The following MISP variants were observed in gnomAD, a reference collection of about 807,000 sequenced individuals.
The protein encoded by MISP is mitotic interactor and substrate of PLK1.
MISP carries 51 observed loss-of-function variants against 49.3 expected under a neutral mutation model. The observed-to-expected ratio is 1.03, with a 90% confidence interval of 0.83 to 1.31. The LOEUF (loss-of-function observed/expected upper bound fraction) is 1.31. MISP is among the 50% of genes most tolerant of loss of function. The pLI, the probability that MISP is intolerant of heterozygous loss-of-function variation, is 0.00. For synonymous variants in MISP, 444 were observed against 392.6 expected (o/e 1.13, Z -1.55); for missense variants, 1,084 against 935.1 (o/e 1.16, Z -2.08).
rs369591220 is a variant in MISP, at chr19:757,515, A to G, written c.569A>G (p.Gln190Arg). 175 of 1,608,480 alleles carry G rather than the reference A, an allele frequency of 1.1e-4. No individual in the cohort carries two copies. Among genetic ancestry groups the G allele is most frequent in the Non-Finnish European group, 2.2e-5 (26 of 1,178,074 alleles). The change falls in exon 2 of 5, where the codon CAG becomes CGG. Residue 190 changes from glutamine (Q) to arginine (R), a missense_variant. Gln to Arg is a conservative substitution (Grantham distance 43). Transcript: ENST00000215582. ...PLEENVVDRE[Q>R]IDFLAARQQF... ...GAGGAGAACGTGGTTGACAGGGAGC[A>G]GATTGACTTCCTGGCAGCGAGACAG...
At chr19:751,973 A>G (rs1226361070) in intron 1 of MISP, among the ~76,000 whole-genome samples, 1 of 152,142 alleles carries the variant, frequency 6.6e-6, no homozygotes, top group Non-Finnish European at 1.5e-5. Flanking sequence ...CCATAAACCC[A>G]GTTTCATTCT....
Position 759,636 on chromosome 19 carries a change from G to A in MISP, c.1781-273G>A, listed in dbSNP as rs1016655380. ...AGGACGGTCTCGATCTCCTGACCTC[G>A]TGATCCACCCACCTCGGCCTCCCAA... is the stretch of plus-strand genomic sequence containing the variant. On this transcript the variant is annotated intron_variant, in intron 2 of 4. Transcript: ENST00000215582. Among the ~76,000 whole-genome samples the A allele has an allele frequency of 2.1e-4, 32 of 151,036 alleles. No homozygotes were observed. The East Asian group carries it at 2.8e-3, about 13-fold the overall frequency.
intron 4 of MISP, 23 bp from the exon 5 acceptor site, chr19:763,478 G>C: frequency 6.3e-7 from 1 of 1,582,262 alleles, no homozygotes; most frequent in Non-Finnish European, 8.7e-7. Context: ...TGGATCGGGG[G>C]AATTCATGCC....
chr19:760,685 A>AAGAG (rs67394691), intron 3 of MISP, among the ~76,000 whole-genome samples: 6 of 149,616 alleles, frequency 4.0e-5, no homozygotes, highest in Non-Finnish European at 7.4e-5. Flanking sequence ...ACTTCTAAGA[A>AAGAG]AGAGAGAGAG....
chr19:752,737 A>G (rs950124488), intron 1 of MISP, among the ~76,000 whole-genome samples: 7 of 142,986 alleles, frequency 4.9e-5, no homozygotes. Context: ...CTGGGCGGAC[A>G]GCTCCCTTTC....
intron 4 of MISP, among the ~76,000 whole-genome samples, chr19:762,016 C>T (rs949702835): frequency 1.3e-5 from 2 of 151,826 alleles, no homozygotes; most frequent in African/African-American, 4.8e-5. Flanking sequence ...GGTGCGATCT[C>T]GGCTCACTGC....
chr19:758,508 A>T lies in MISP; in HGVS notation c.1562A>T (p.Gln521Leu). 2.5e-6 allele frequency: 4 copies of T among 1,614,078 alleles called. No individual in the cohort carries two copies. The highest frequency in any genetic ancestry group is 1.7e-4 in the Middle Eastern group (1 of 6,056). Residue 521 changes from glutamine (Q) to leucine (L), a missense_variant, in exon 2 of 5, where the codon CAA becomes CTA. Physicochemically the swap from Gln to Leu is moderately radical, Grantham distance 113 (BLOSUM62 -2). Transcript: ENST00000215582. ...GCCCCAGACGAGCCCCAGCAGGCCC[A>T]AGTCCCCCATGTCTGGGGCTGGGAG... ...FRAPDEPQQA[Q>L]VPHVWGWEVA...
In MISP at chr19:759,931, G is replaced by A. The variant is rs1255515330; in HGVS notation, c.1803G>A (p.Val601=). ...CAGGCATCACGGGCAGTTACTCGGT[G>A]TCTGAGTCTCCCTTCTTCAGCCCCA... is the stretch of plus-strand genomic sequence containing the variant. ...QASGITGSYS[V]SESPFFSPIH... is the part of the protein sequence containing the mutation. The change falls in exon 3 of 5, where the codon GTG becomes GTA. Residue 601 remains valine, a synonymous_variant. Transcript: ENST00000215582. 1.2e-6 allele frequency: 2 copies of A among 1,613,958 alleles called. No individual in the cohort carries two copies. Among genetic ancestry groups the A allele is most frequent in the East Asian group, 2.2e-5 (1 of 44,896 alleles).
Position 757,091 on chromosome 19 carries a change from C to T in MISP, c.145C>T (p.Gln49Ter). 1 of 1,613,030 alleles carries T rather than the reference C, an allele frequency of 6.2e-7. No individual in the cohort carries two copies. Among genetic ancestry groups the T allele is most frequent in the Non-Finnish European group, 8.5e-7 (1 of 1,179,796 alleles). ...CAGCGGCTGGGGCCAGGATGAGCCGCAGACATGGCCCACTGACCACAGGGC... is the reference window on the plus strand; with the variant it reads ...CAGCGGCTGGGGCCAGGATGAGCCGTAGACATGGCCCACTGACCACAGGGC... ...EASGWGQDEP[Q>*]TWPTDHRAQQ... The change falls in exon 2 of 5, where the codon CAG becomes TAG. Residue 49 changes from glutamine to a stop codon, truncating the protein, a stop_gained. Coordinates refer to ENST00000215582, the MANE Select transcript of MISP (RefSeq NM_173481.4). LOFTEE classifies it high-confidence loss of function.
chr19:758,455 C>A lies in MISP; in HGVS notation c.1509C>A (p.Tyr503Ter). The change falls in exon 2 of 5, where the codon TAC (tyrosine) becomes TAA (stop). Residue 503 changes from tyrosine to a stop codon, truncating the protein, a stop_gained. Transcript: ENST00000215582. LOFTEE classifies it high-confidence loss of function. Reference protein sequence around the residue: ...QANRGVVRWEYFRLRPLRFRA... With the variant: ...QANRGVVRWE ...ACAGGGGTGTCGTGCGGTGGGAGTA[C>A]TTCCGCCTGCGTCCTCTGCGGTTCA... 6.2e-7 allele frequency: 1 copy of A among 1,614,168 alleles called. No individual in the cohort carries two copies. Among genetic ancestry groups the A allele is most frequent in the Non-Finnish European group, 8.5e-7 (1 of 1,180,022 alleles).
At chr19:759,451 G>A (rs934531124) in intron 2 of MISP, among the ~76,000 whole-genome samples, 1 of 144,986 alleles carries the variant, frequency 6.9e-6, no homozygotes, top group African/African-American at 2.6e-5. Flanking sequence ...CCAGGCTGGA[G>A]TGCAGTGGCG....
At chr19:752,795 G>A (rs530470675) in intron 1 of MISP, among the ~76,000 whole-genome samples, 15 of 152,010 alleles carry the variant, frequency 9.9e-5, no homozygotes, top group African/African-American at 3.1e-4. Context: ...CTGTGTAAAC[G>A]TCTGTCCACT....
rs148115443 is a variant in MISP, at chr19:761,627, C to A, written c.1914C>A (p.Tyr638Ter). 1.2e-6 allele frequency: 2 copies of A among 1,613,948 alleles called. No homozygotes were observed. The highest frequency in any genetic ancestry group is 2.2e-5 in the South Asian group (2 of 91,086). Residue 638 changes from tyrosine to a stop codon, truncating the protein, a stop_gained and splice_region_variant, in exon 4 of 5, where the codon TAC (tyrosine) becomes TAA (stop). Transcript: ENST00000215582. LOFTEE classifies it low-confidence loss of function (END_TRUNC). Reference sequence around the variant, plus strand: ...TGACTTGTGTTCCTTTCCTGTAGTACGCTGGCATCAACCCCTCGGACGGTA... The same window carrying A: ...TGACTTGTGTTCCTTTCCTGTAGTAAGCTGGCATCAACCCCTCGGACGGTA... Reference protein sequence around the residue: ...PPGQRKKEQWYAGINPSDGIN... With the variant: ...PPGQRKKEQW
chr19:752,176 C>G (rs2144950065), intron 1 of MISP, among the ~76,000 whole-genome samples: 1 of 152,264 alleles, frequency 6.6e-6, no homozygotes, highest in South Asian at 2.1e-4. Context: ...GAAAACGGTT[C>G]CAAGGTGTTG....
At position 757,664 on chromosome 19, in the gene MISP, G is replaced by A. The variant is rs953683985; in HGVS notation, c.718G>A (p.Ala240Thr). 2 of 1,613,358 alleles carry A rather than the reference G, an allele frequency of 1.2e-6. No homozygotes were observed. Among genetic ancestry groups the A allele is most frequent in the South Asian group, 1.1e-5 (1 of 91,022 alleles). Reference protein sequence around the residue: ...APKAFNKPHLANGHVVPIKPQ... With the variant: ...APKAFNKPHLTNGHVVPIKPQ... Reference sequence around the variant, plus strand: ...CAAGGCCTTCAACAAGCCCCACCTGGCCAACGGGCACGTGGTTCCCATCAA... The same window carrying A: ...CAAGGCCTTCAACAAGCCCCACCTGACCAACGGGCACGTGGTTCCCATCAA... The change falls in exon 2 of 5, where the codon GCC becomes ACC. Residue 240 changes from alanine to threonine, a missense_variant. Ala to Thr is a moderately conservative substitution (Grantham distance 58). Transcript: ENST00000215582.
chr19:755,587 C>T (rs563886960), intron 1 of MISP, among the ~76,000 whole-genome samples: 2 of 152,268 alleles, frequency 1.3e-5, no homozygotes, highest in African/African-American at 4.8e-5. Context: ...TGGAAAGGCT[C>T]AGTGCACAGG....
At chr19:748,508 A>T (rs2033409317), upstream of MISP, among the ~76,000 whole-genome samples, 1 of 151,876 alleles carries the variant, frequency 6.6e-6, no homozygotes, top group South Asian at 2.1e-4. Context: ...TGGAATCCCC[A>T]CTGTGCAGGT....
rs772714031 is a variant in MISP at position 758,353 on chromosome 19, T to C, written c.1407T>C (p.His469=). The stretch of plus-strand genomic sequence containing the variant: ...CAAAGGCCACGATGTCCCCGAGGCA[T>C]CTCTCAGAATCCTCTGGAAAACCCC... ...TSPKATMSPR[H]LSESSGKPLS... The change falls in exon 2 of 5, where the codon CAT becomes CAC. Residue 469 remains histidine (H), a synonymous_variant. Transcript: ENST00000215582. 19 of 1,613,986 alleles carry C rather than the reference T, an allele frequency of 1.2e-5. No individual in the cohort carries two copies. The East Asian group carries it at 4.2e-4, about 36-fold the overall frequency.
chr19:761,085 C>CT lies in MISP; in HGVS notation c.1912-518dup, dbSNP rs557194356. Reference sequence around the variant, plus strand: ...TTAGTGCCATGAGGAATATTATGTCCTTTTTTTTTTTTTTTTTTTTTTGAG... The same window carrying CT: ...TTAGTGCCATGAGGAATATTATGTCCTTTTTTTTTTTTTTTTTTTTTTTGAG... On this transcript the variant is annotated intron_variant, in intron 3 of 4. Coordinates refer to ENST00000215582, the MANE Select transcript of MISP (RefSeq NM_173481.4). Among the ~76,000 whole-genome samples the CT allele has an allele frequency of 9.9e-3, 921 of 92,794 alleles. 8 individuals are homozygous for CT. The highest frequency in any genetic ancestry group is 0.013 in the Non-Finnish European group (634 of 49,780). The allele number at this position is 92,794 out of a possible 152,430, so 60.9% of individuals were successfully genotyped here. A position where few individuals can be genotyped will look rare whatever the true frequency, so the allele number is the denominator to read the frequency against.
Sources: allele counts gnomAD v4.1 joint callset (sites outside exome capture counted in the v4.1 genomes callset), GRCh38; gene constraint gnomAD v4.1.1; transcripts MANE v1.5; gene names NCBI Gene and HGNC (gene_info 2026-07-23, HGNC 2026-07-21).